The following CTNNA2 variants were observed in gnomAD, a reference collection of about 807,000 sequenced individuals.
CTNNA2 encodes catenin alpha 2.
CTNNA2 carries 42 observed loss-of-function variants against 101.0 expected under a neutral mutation model. That is an observed-to-expected ratio of 0.42 (90% confidence interval 0.32 to 0.54). The LOEUF is 0.54. Ranked by LOEUF, CTNNA2 falls within the 20% of genes least tolerant of loss-of-function variation. The pLI is 0.14. For synonymous variants in CTNNA2, 450 were observed against 456.4 expected, an observed-to-expected ratio of 0.99 and a Z score of 0.18; for missense variants, 871 against 1,223.1, an observed-to-expected ratio of 0.71 and a Z score of 4.29.
At chr2:80,183,353 C>G (rs1335066431) in intron 7 of CTNNA2, among the ~76,000 whole-genome samples, 1 of 152,140 alleles carries the variant, frequency 6.6e-6, no homozygotes, top group Non-Finnish European at 1.5e-5. Context: ...ATACCTGGTA[C>G]TTATTTTACT....
chr2:79,932,777 A>C (rs181356309), intron 7 of CTNNA2, among the ~76,000 whole-genome samples: 1 of 152,180 alleles, frequency 6.6e-6, no homozygotes, highest in African/African-American at 2.4e-5. Context: ...CATCACATAC[A>C]TTGAGTTACA....
At chr2:80,220,860 G>T (rs767231801) in intron 7 of CTNNA2, among the ~76,000 whole-genome samples, 2 of 151,966 alleles carry the variant, frequency 1.3e-5, no homozygotes, top group East Asian at 1.9e-4. Flanking sequence ...CTTCTTTCTG[G>T]TTTTTTGTTT....
At chr2:79,362,674 C>A (rs980746425) in intron 3 of CTNNA2, among the ~76,000 whole-genome samples, 1 of 152,136 alleles carries the variant, frequency 6.6e-6, no homozygotes, top group Non-Finnish European at 1.5e-5. Context: ...AAGTATACAC[C>A]AATTCCAGGT....
chr2:79,792,879 A>G (rs13394883), intron 3 of CTNNA2, among the ~76,000 whole-genome samples: 2,631 of 152,328 alleles, frequency 0.017, 70 homozygotes, highest in African/African-American at 0.059. Context: ...ATTTATTTCT[A>G]TAATACCTAT....
intron 2 of CTNNA2, among the ~76,000 whole-genome samples, chr2:79,208,838 A>T (rs2104195740): frequency 6.6e-6 from 1 of 152,332 alleles, no homozygotes; most frequent in South Asian, 2.1e-4. Context: ...GCAAATATGG[A>T]TTCATCAGGA....
chr2:80,006,593 A>G (rs1424478591), intron 7 of CTNNA2, among the ~76,000 whole-genome samples: 2 of 152,050 alleles, frequency 1.3e-5, no homozygotes, highest in Non-Finnish European at 2.9e-5. Context: ...GCACTATTGG[A>G]TTCAACTCCT....
intron 7 of CTNNA2, among the ~76,000 whole-genome samples, chr2:80,090,502 C>A (rs1227679600): frequency 6.6e-6 from 1 of 152,036 alleles, no homozygotes; most frequent in Non-Finnish European, 1.5e-5. Flanking sequence ...TTGTTCATTT[C>A]TTCTTAGCTT....
At chr2:80,142,924 A>G (rs1195296884) in intron 7 of CTNNA2, among the ~76,000 whole-genome samples, 6 of 149,610 alleles carry the variant, frequency 4.0e-5, no homozygotes, top group Non-Finnish European at 7.4e-5. Flanking sequence ...ACAATGCCTC[A>G]TAATGATAAG....
intron 3 of CTNNA2, among the ~76,000 whole-genome samples, chr2:79,778,573 A>T (rs1366420571): frequency 6.6e-6 from 1 of 152,158 alleles, no homozygotes; most frequent in African/African-American, 2.4e-5. Context: ...TGCATAAAAC[A>T]TATACGTATA....
upstream of CTNNA2, among the ~76,000 whole-genome samples, chr2:79,509,097 C>A (rs1169317342): frequency 1.4e-5 from 2 of 148,110 alleles, no homozygotes; most frequent in East Asian, 4.0e-4. Context: ...AAACAAAAAA[C>A]TTAAAACAAG....
At chr2:79,714,982 G>GGA (rs1466915512) in intron 2 of CTNNA2, among the ~76,000 whole-genome samples, 1 of 150,216 alleles carries the variant, frequency 6.7e-6, no homozygotes, top group Non-Finnish European at 1.5e-5. Context: ...CCTGAGGTCA[G>GGA]GAGTTTGAAA....
chr2:80,395,446 C>T (rs1677920379), intron 8 of CTNNA2, among the ~76,000 whole-genome samples: 2 of 152,150 alleles, frequency 1.3e-5, no homozygotes, highest in Non-Finnish European at 2.9e-5. Context: ...CAGTTTCATC[C>T]CTGCCCATAT....
At chr2:79,287,156 T>C (rs1205983529) in intron 2 of CTNNA2, among the ~76,000 whole-genome samples, 4 of 152,278 alleles carry the variant, frequency 2.6e-5, no homozygotes, top group Admixed American at 1.3e-4. Context: ...TATACATTCT[T>C]CTAAATTTTT....
intron 3 of CTNNA2, among the ~76,000 whole-genome samples, chr2:79,836,569 A>C (rs899693527): frequency 1.3e-5 from 2 of 152,204 alleles, no homozygotes; most frequent in African/African-American, 4.8e-5. Context: ...GGAGGCTAGA[A>C]GTCCAAAATC....
At chr2:79,642,355 A>G (rs1483081420) in intron 1 of CTNNA2, among the ~76,000 whole-genome samples, 1 of 152,212 alleles carries the variant, frequency 6.6e-6, no homozygotes. Context: ...TGCAAATAGC[A>G]AAAACTACTT....
At chr2:79,224,045 C>G (rs184740347) in intron 2 of CTNNA2, among the ~76,000 whole-genome samples, 1 of 152,188 alleles carries the variant, frequency 6.6e-6, no homozygotes, top group Non-Finnish European at 1.5e-5. Context: ...TTCCGTTGTA[C>G]ATTTCTGATC....
At chr2:80,109,692 A>C (rs1298096620) in intron 7 of CTNNA2, among the ~76,000 whole-genome samples, 2 of 152,124 alleles carry the variant, frequency 1.3e-5, no homozygotes, top group African/African-American at 4.8e-5. Flanking sequence ...TCTGTATGTC[A>C]AGTTTTTCTG....
At chr2:79,507,530 C>G (rs937879804) in intron 5 of CTNNA2, among the ~76,000 whole-genome samples, 1 of 152,058 alleles carries the variant, frequency 6.6e-6, no homozygotes, top group East Asian at 1.9e-4. Flanking sequence ...TGTGACCCTT[C>G]GATCTTGGAC....
chr2:80,153,017 A>G (rs2148931125), intron 7 of CTNNA2, among the ~76,000 whole-genome samples: 1 of 152,356 alleles, frequency 6.6e-6, no homozygotes, highest in East Asian at 1.9e-4. Context: ...AGCCATATTG[A>G]CAACTACATG....
Sources: gnomAD v4.1 joint callset for allele counts (sites outside exome capture counted in the v4.1 genomes callset) on GRCh38, gnomAD v4.1.1 for gene constraint, MANE v1.5 for transcripts, NCBI Gene and HGNC (gene_info 2026-07-23, HGNC 2026-07-21) for gene names.